HLA-DQB2: variants seen among roughly 807,000 people sequenced by gnomAD.
The protein encoded by HLA-DQB2 is HLA class II histocompatibility antigen, DQ beta 2 chain.
HLA-DQB2 carries 24 observed loss-of-function variants against 29.2 expected under a neutral mutation model. That is an observed-to-expected ratio of 0.82 (90% CI 0.60 to 1.16). The LOEUF (loss-of-function observed/expected upper bound fraction) is 1.16, where lower values mean the gene tolerates loss of function less well. HLA-DQB2 is among the 50% of genes most tolerant of loss of function. The pLI, the probability that HLA-DQB2 is intolerant of heterozygous loss-of-function variation, is 0.00. For missense variants in HLA-DQB2, 273 were observed against 343.6 expected (o/e 0.79, Z 1.62); for synonymous variants, 104 against 133.1 (o/e 0.78, Z 1.51).
intron 5 of HLA-DQB2, chr6:32,756,831 T>C (rs1331743664): frequency 1.2e-5 from 14 of 1,195,900 alleles, no homozygotes; most frequent in Non-Finnish European, 1.2e-5. Context: ...CACCCTACTA[T>C]CTCACATTCA....
At chr6:32,759,344 G>T (rs1361328620) in intron 2 of HLA-DQB2, among the ~76,000 whole-genome samples, 1 of 147,360 alleles carries the variant, frequency 6.8e-6, no homozygotes, top group Non-Finnish European at 1.5e-5. Flanking sequence ...TATAGAACTT[G>T]CAATCTAGTA....
intron 2 of HLA-DQB2, among the ~76,000 whole-genome samples, chr6:32,759,672 T>A (rs1259153273): frequency 6.6e-6 from 1 of 152,250 alleles, no homozygotes; most frequent in Non-Finnish European, 1.5e-5. Flanking sequence ...CTTAATTTCC[T>A]TTTAACCCTC....
At position 32,763,419 on chromosome 6, in the gene HLA-DQB2, G is replaced by A. The variant is rs1325247134; in HGVS notation, c.52C>T (p.Leu18=). The change falls in exon 1 of 6, where the codon CTG becomes TTG. Residue 18 remains leucine (L), a synonymous_variant. Transcript: ENST00000437316. ...GFWAAAVTVM[L]VMLSTPVAEA... is the part of the protein sequence containing the mutation. ...GCCACTGGGGTGCTCAGCATCACCAGCATCACGGTCACAGCTGCTGCCCAA... is the reference window on the plus strand; with the variant it reads ...GCCACTGGGGTGCTCAGCATCACCAACATCACGGTCACAGCTGCTGCCCAA... 6.4e-7 allele frequency: 1 copy of A among 1,566,456 alleles called. No individual in the cohort carries two copies. The highest frequency in any genetic ancestry group is 8.7e-7 in the Non-Finnish European group (1 of 1,155,016).
chr6:32,758,863 G>T lies in HLA-DQB2; in HGVS notation c.633C>A (p.Ile211=), dbSNP rs779853574. The change falls in exon 3 of 6, where the codon ATC becomes ATA. Residue 211 remains isoleucine (I), a synonymous_variant. Coordinates refer to ENST00000437316, the MANE Select transcript of HLA-DQB2 (RefSeq NM_001300790.2). ...QVEHPSLQSP[I]TVEWRAQSES... Reference sequence around the variant, plus strand: ...GTTTCCCCTTACGCCACTCCACGGTGATGGGGCTCTGGAGGCTGGGGTGCT... The same window carrying T: ...GTTTCCCCTTACGCCACTCCACGGTTATGGGGCTCTGGAGGCTGGGGTGCT... 1.2e-6 allele frequency: 2 copies of T among 1,613,704 alleles called. No individual in the cohort carries two copies. Among genetic ancestry groups the T allele is most frequent in the Non-Finnish European group, 1.7e-6 (2 of 1,179,850 alleles).
At chr6:32,758,545 T>C (rs1447177798) in intron 3 of HLA-DQB2, among the ~76,000 whole-genome samples, 2 of 152,230 alleles carry the variant, frequency 1.3e-5, no homozygotes, top group Non-Finnish European at 2.9e-5. Flanking sequence ...TATTTCTTTA[T>C]AGTGGAGTGA....
chr6:32,759,785 G>A (rs201505251), intron 2 of HLA-DQB2, among the ~76,000 whole-genome samples: 17,153 of 106,452 alleles, frequency 0.16, no homozygotes, highest in Middle Eastern at 0.22. Context: ...TTCTCCATAG[G>A]AAATATTCTG....
chr6:32,756,620 A>C (rs900732221), intron 5 of HLA-DQB2, 154 bp from the exon 6 acceptor site: 2 of 1,437,310 alleles, frequency 1.4e-6, no homozygotes, highest in Non-Finnish European at 1.8e-6. Context: ...TAAAGGTAAA[A>C]TCAGCTCATG....
intron 5 of HLA-DQB2, chr6:32,757,040 G>A (rs1184758307): frequency 8.2e-7 from 1 of 1,212,886 alleles, no homozygotes; most frequent in Non-Finnish European, 1.1e-6. Context: ...TTTTTTTTGA[G>A]ACAGACTCTA....
chr6:32,758,895 G>A lies in HLA-DQB2; in HGVS notation c.601C>T (p.Gln201Ter). The change falls in exon 3 of 6, where the codon CAA becomes TAA. Residue 201 changes from glutamine to a stop codon, truncating the protein, a stop_gained. Coordinates refer to ENST00000437316, the MANE Select transcript of HLA-DQB2 (RefSeq NM_001300790.2). LOFTEE classifies it high-confidence loss of function. The stretch of plus-strand genomic sequence containing the variant: ...CTCTGGAGGCTGGGGTGCTCCACTT[G>A]GCAGGTGTAGATGTCTCCACGCTGG... Reference protein sequence around the residue: ...TPQRGDIYTCQVEHPSLQSPI... With the variant: ...TPQRGDIYTC 1 of 1,614,094 alleles carries A rather than the reference G, an allele frequency of 6.2e-7. No individual in the cohort carries two copies. The highest frequency in any genetic ancestry group is 8.5e-7 in the Non-Finnish European group (1 of 1,180,030).
chr6:32,761,994 C>T, intron 1 of HLA-DQB2, 68 bp from the exon 2 acceptor site: 6 of 1,549,888 alleles, frequency 3.9e-6, no homozygotes, highest in Non-Finnish European at 5.2e-6. Flanking sequence ...AGCCGGACCG[C>T]ACCCTTCAGC....
At chr6:32,756,875 A>G in intron 5 of HLA-DQB2, 1 of 1,180,728 alleles carries the variant, frequency 8.5e-7, no homozygotes, top group Non-Finnish European at 1.0e-6. Context: ...TCACAAAAAG[A>G]TGCCACCAAA....
At chr6:32,763,083 G>A (rs994926665) in intron 1 of HLA-DQB2, among the ~76,000 whole-genome samples, 3 of 151,312 alleles carry the variant, frequency 2.0e-5, no homozygotes, top group Admixed American at 6.6e-5. Context: ...ATGCATAACC[G>A]TGGAGTGCCA....
intron 3 of HLA-DQB2, 87 bp from the exon 4 acceptor site, chr6:32,757,970 T>C: frequency 9.2e-7 from 1 of 1,090,624 alleles, no homozygotes; most frequent in Non-Finnish European, 1.3e-6. Context: ...GGGACACTAG[T>C]TCTCCAGTCT....
Position 32,761,265 on chromosome 6 carries a change from A to G in HLA-DQB2, c.364+395T>C, listed in dbSNP as rs568009085. ...GCAAGTGGGCCTTGCTGGGTGGGGC[A>G]GTGCTAGTGGGGCGGACGGGCAGGG... On this transcript the variant is annotated intron_variant, in intron 2 of 5. Coordinates refer to ENST00000437316, the MANE Select transcript of HLA-DQB2 (RefSeq NM_001300790.2). 2.7e-3 allele frequency among the ~76,000 whole-genome samples: 230 copies of G among 86,344 alleles called. 2 individuals are homozygous for G. The East Asian group carries it at 0.075, about 28-fold the overall frequency. The allele number at this position is 86,344 out of a possible 152,430, so 56.6% of individuals were successfully genotyped here. A position where few individuals can be genotyped will look rare whatever the true frequency, so the allele number is the denominator to read the frequency against.
chr6:32,756,524 C>T, intron 5 of HLA-DQB2, 58 bp from the exon 6 acceptor site: 1 of 1,553,236 alleles, frequency 6.4e-7, no homozygotes, highest in Non-Finnish European at 8.7e-7. Context: ...CACACCCTCT[C>T]CCCTAGTCCT....
intron 1 of HLA-DQB2, among the ~76,000 whole-genome samples, chr6:32,762,581 GGTCCAATTAAACTGA>G (rs1362876916): frequency 6.7e-6 from 1 of 148,900 alleles, no homozygotes; most frequent in African/African-American, 2.5e-5. Context: ...AATTCTATAG[GGTCCAATTAAACTGA>G]GTCAATCACC....
At chr6:32,761,206 G>C (rs1227785734) in intron 2 of HLA-DQB2, among the ~76,000 whole-genome samples, 1 of 150,356 alleles carries the variant, frequency 6.7e-6, no homozygotes, top group Non-Finnish European at 1.5e-5. Context: ...AACTCCACCA[G>C]GCCAAGCCTG....
chr6:32,757,227 T>G, intron 5 of HLA-DQB2, 54 bp downstream of exon 5: 8 of 1,549,728 alleles, frequency 5.2e-6, no homozygotes, highest in Non-Finnish European at 7.0e-6. Context: ...ACCATGGCTC[T>G]TCCCTCTTAT....
chr6:32,756,229 A>C lies in HLA-DQB2; in HGVS notation c.*224T>G. The C allele has an allele frequency of 1.8e-6, 1 of 553,768 alleles. No individual in the cohort carries two copies. Among genetic ancestry groups the C allele is most frequent in the South Asian group, 2.6e-5 (1 of 37,920 alleles). The allele number at this position is 553,768 out of a possible 1,614,324, so 34.3% of individuals were successfully genotyped here. A position where few individuals can be genotyped will look rare whatever the true frequency, so the allele number is the denominator to read the frequency against. On this transcript the variant is annotated 3_prime_UTR_variant, in exon 6 of 6. Coordinates refer to ENST00000437316, the MANE Select transcript of HLA-DQB2 (RefSeq NM_001300790.2). The stretch of plus-strand genomic sequence containing the variant: ...GATGCCCCTTGGGGCCTGAGTAGAC[A>C]CAGCTTGCAGTGCACAGGCAGAGGC...
Sources: gnomAD v4.1 joint callset for allele counts (sites outside exome capture counted in the v4.1 genomes callset) on GRCh38, gnomAD v4.1.1 for gene constraint, MANE v1.5 for transcripts, NCBI Gene and HGNC (gene_info 2026-07-23, HGNC 2026-07-21) for gene names.